Variants in GOLGA6D observed in about 807,000 individuals in gnomAD.
GOLGA6D encodes golgin A6 family member D, also known as golgin subfamily A member 6D.
GOLGA6D carries 9 observed loss-of-function variants against 42.1 expected under a neutral mutation model. The ratio of observed to expected loss-of-function variants is 0.21; its 90% CI spans 0.13 to 0.37. The LOEUF (loss-of-function observed/expected upper bound fraction) is 0.37, where lower values mean the gene tolerates loss of function less well. Among genes scored for constraint, GOLGA6D ranks in the 10% least tolerant of loss-of-function variants. GOLGA6D has a pLI of 1.00. For missense variants in GOLGA6D, 87 were observed against 420.8 expected (o/e 0.21, Z 6.94); for synonymous variants, 39 against 167.3 (o/e 0.23, Z 5.92).
rs567371716 is a variant in GOLGA6D, at chr15:75,294,506, G to A, written c.*31G>A. On this transcript the variant is annotated 3_prime_UTR_variant, in exon 18 of 18. Transcript: ENST00000434739. ...CCCAGGCTTGCCCAGCAAACCCTGC[G>A]TGCCATTCTTCTACCAGGCAGCCGA... is the stretch of plus-strand genomic sequence containing the variant. 430 of 1,529,404 alleles carry A rather than the reference G, an allele frequency of 2.8e-4. 22 individuals are homozygous for A. In the African/African-American group the frequency reaches 4.4e-3, roughly 16 times the overall value. 94.7% of individuals were successfully genotyped at this position (1,529,404 alleles called of 1,614,324 possible).
chr15:75,289,284 T>C lies in GOLGA6D; in HGVS notation c.565-113T>C. ...TCTTTTAATAACCAGGCCACGGGCT[T>C]GGAAATGCCTTGACCTTTACTGACC... On this transcript the variant is annotated intron_variant, in intron 7 of 17. Transcript: ENST00000434739. 4.1e-6 allele frequency: 3 copies of C among 732,758 alleles called. 1 individual carries two copies. The South Asian group carries it at 4.6e-5, about 11-fold the overall frequency. The allele number at this position is 732,758 out of a possible 1,614,324, so 45.4% of individuals were successfully genotyped here. A position where few individuals can be genotyped will look rare whatever the true frequency, so the allele number is the denominator to read the frequency against.
chr15:75,282,771 G>C (rs1595819087), upstream of GOLGA6D: 2 of 225,514 alleles, frequency 8.9e-6, 1 homozygote, highest in African/African-American at 1.5e-4. Context: ...AATGGGATTG[G>C]AGCAGTAAGG....
At position 75,288,366 on chromosome 15, in the gene GOLGA6D, T is replaced by C; in HGVS notation, c.564+2T>C. 2 of 1,508,578 alleles carry C rather than the reference T, an allele frequency of 1.3e-6. No homozygotes were observed. Among genetic ancestry groups the C allele is most frequent in the Admixed American group, 1.8e-5 (1 of 55,530 alleles). The allele number at this position is 1,508,578 out of a possible 1,614,324, so 93.4% of individuals were successfully genotyped here. ...ACACAGCAGCAGGAAGAGGACAGGG[T>C]GAGTCCAACCAGCTGCCCCATCCCC... On this transcript the variant is annotated splice_donor_variant, in intron 7 of 17. Transcript: ENST00000434739. LOFTEE classifies it high-confidence loss of function.
In GOLGA6D at chr15:75,289,332, C is replaced by T. The variant is rs536039367; in HGVS notation, c.565-65C>T. The T allele has an allele frequency of 4.0e-5, 58 of 1,463,852 alleles. 7 individuals carry two copies. In the South Asian group the frequency reaches 6.7e-4, roughly 17 times the overall value. The allele number at this position is 1,463,852 out of a possible 1,614,324, so 90.7% of individuals were successfully genotyped here. ...ACCGAGTTGTATATTGAGCCTAGCCCTAGCCCTTTTAAGGGGCACTGCCCG... is the reference window on the plus strand; with the variant it reads ...ACCGAGTTGTATATTGAGCCTAGCCTTAGCCCTTTTAAGGGGCACTGCCCG... On this transcript the variant is annotated intron_variant, in intron 7 of 17. Transcript: ENST00000434739.
chr15:75,277,821 T>A, the GOLGA6D span, among the ~76,000 whole-genome samples: 75 of 1,526 alleles, frequency 0.049, no homozygotes, highest in African/African-American at 0.092. Flanking sequence ...AAAATGTCAC[T>A]GTTTTGGGGT....
At chr15:75,277,745 G>A in the GOLGA6D span, among the ~76,000 whole-genome samples, 3 of 147,748 alleles carry the variant, frequency 2.0e-5, no homozygotes, top group Admixed American at 6.8e-5. Flanking sequence ...CGAGGCTGCA[G>A]TGAGCTGAGA....
chr15:75,293,488 G>T (rs1257245016), intron 14 of GOLGA6D, among the ~76,000 whole-genome samples: 6 of 144,986 alleles, frequency 4.1e-5, no homozygotes, highest in African/African-American at 1.3e-4. Flanking sequence ...GCAGCGGAAG[G>T]TGTGAAGGCT....
chr15:75,276,178 A>G, the GOLGA6D span, among the ~76,000 whole-genome samples: 22 of 151,784 alleles, frequency 1.4e-4, no homozygotes, highest in South Asian at 4.2e-3. Flanking sequence ...GGGAAGACCC[A>G]CTTAGGGAAG....
At position 75,294,376 on chromosome 15, in the gene GOLGA6D, C is replaced by G; in HGVS notation, c.1983C>G (p.Asn661Lys). Residue 661 changes from asparagine (N) to lysine (K), a missense_variant, in exon 18 of 18, where the codon AAC (asparagine) becomes AAG (lysine). Coordinates refer to ENST00000434739, the MANE Select transcript of GOLGA6D (RefSeq NM_001145224.3). ...TTTATGAAGTGAGCCTGGACAACAA[C>G]GTGGAGCCTGCACCAGGAGTGGCCA... ...DVFYEVSLDN[N>K]VEPAPGVARE... The G allele has an allele frequency of 1.3e-6, 2 of 1,598,082 alleles. No homozygotes were observed. Among genetic ancestry groups the G allele is most frequent in the Non-Finnish European group, 8.5e-7 (1 of 1,177,756 alleles).
chr15:75,293,592 G>C, intron 14 of GOLGA6D, 137 bp from the exon 15 acceptor site: 2 of 657,680 alleles, frequency 3.0e-6, no homozygotes, highest in Non-Finnish European at 5.5e-6. Context: ...ATGAGTTTGT[G>C]TGTGGGGAGA....
upstream of GOLGA6D, among the ~76,000 whole-genome samples, chr15:75,278,774 A>T (rs1251968198): frequency 6.6e-6 from 1 of 151,870 alleles, no homozygotes; most frequent in Non-Finnish European, 1.5e-5. Context: ...GGGGAGGGAA[A>T]AAATATGCAG....
intron 14 of GOLGA6D, among the ~76,000 whole-genome samples, chr15:75,293,492 G>C (rs1428018486): frequency 7.0e-6 from 1 of 143,738 alleles, no homozygotes; most frequent in South Asian, 2.2e-4. Flanking sequence ...CGGAAGGTGT[G>C]AAGGCTGTGC....
the GOLGA6D span, among the ~76,000 whole-genome samples, chr15:75,277,713 T>A: frequency 7.2e-6 from 1 of 138,932 alleles, no homozygotes; most frequent in Admixed American, 7.3e-5. Flanking sequence ...TCCCAGCTAC[T>A]CGGGAGGCTG....
In GOLGA6D at chr15:75,294,360, TGAGCCTGGACAACAACGTG is replaced by T. The variant is rs750016953; in HGVS notation, c.1975_1993del (p.Asp659HisfsTer53). 2.3e-5 allele frequency: 36 copies of T among 1,596,848 alleles called. 3 individuals are homozygous for T. The highest frequency in any genetic ancestry group is 3.1e-5 in the African/African-American group (2 of 65,174). ...CCTCTCTCCGAAGTTTTTTATGAAG[TGAGCCTGGACAACAACGTG>T]GAGCCTGCACCAGGAGTGGCCAGGG... On this transcript the variant is annotated frameshift_variant, in exon 18 of 18. Coordinates refer to ENST00000434739, the MANE Select transcript of GOLGA6D (RefSeq NM_001145224.3). LOFTEE classifies it low-confidence loss of function (END_TRUNC).
chr15:75,276,165 A>G, the GOLGA6D span, among the ~76,000 whole-genome samples: 1 of 150,884 alleles, frequency 6.6e-6, no homozygotes, highest in African/African-American at 2.4e-5. Context: ...CCTCACCCCC[A>G]TGGGGAAGAC....
intron 14 of GOLGA6D, among the ~76,000 whole-genome samples, 156 bp from the exon 15 acceptor site, chr15:75,293,573 G>A (rs2070885106): frequency 6.9e-6 from 1 of 144,150 alleles, no homozygotes; most frequent in Non-Finnish European, 1.5e-5. Flanking sequence ...GCCCCAGGGA[G>A]GACTGGAGAT....
chr15:75,293,411 G>A lies in GOLGA6D; in HGVS notation c.1593+247G>A, dbSNP rs552880211. Reference sequence around the variant, plus strand: ...GCCCCTACAAGAATACTCACCTCTTGCCTTCAAGTGGCATTTTTCAACTCC... The same window carrying A: ...GCCCCTACAAGAATACTCACCTCTTACCTTCAAGTGGCATTTTTCAACTCC... On this transcript the variant is annotated intron_variant, in intron 14 of 17. Transcript: ENST00000434739. Among the ~76,000 whole-genome samples the A allele has an allele frequency of 7.0e-4, 103 of 146,750 alleles. 3 individuals are homozygous for A. The East Asian group carries it at 0.013, about 19-fold the overall frequency.
chr15:75,294,442 C>T lies in GOLGA6D; in HGVS notation c.2049C>T (p.Ile683=), dbSNP rs377617296. The part of the protein sequence containing the change: ...SPHNNPTVQQ[I]VQLSPVMQDT ...ATAACAACCCCACTGTACAGCAGAT[C>T]GTGCAGCTGTCTCCTGTCATGCAGG... Residue 683 remains isoleucine, a synonymous_variant, in exon 18 of 18, where the codon ATC becomes ATT. Transcript: ENST00000434739. 1.1e-4 allele frequency: 172 copies of T among 1,597,268 alleles called. 6 individuals are homozygous for T. The highest frequency in any genetic ancestry group is 6.7e-4 in the East Asian group (30 of 44,718).
rs2070865723 is a variant in GOLGA6D, at chr15:75,288,744, TG to T, written c.564+381del. On this transcript the variant is annotated intron_variant, in intron 7 of 17. Transcript: ENST00000434739. ...GGGTGTGTGTGTGTGTGTGTGTGTG[TG>T]TGTGTGTACTATGATAATATACAAA... Among the ~76,000 whole-genome samples, 9 of 138,500 alleles carry T rather than the reference TG, an allele frequency of 6.5e-5. 1 individual carries two copies. Among genetic ancestry groups the T allele is most frequent in the Admixed American group, 1.5e-4 (2 of 13,696 alleles). 90.9% of individuals were successfully genotyped at this position (138,500 alleles called of 152,430 possible). A position where few individuals can be genotyped will look rare whatever the true frequency, so the allele number is the denominator to read the frequency against.
Sources: gnomAD v4.1 joint callset for allele counts (sites outside exome capture counted in the v4.1 genomes callset) on GRCh38, gnomAD v4.1.1 for gene constraint, MANE v1.5 for transcripts, NCBI Gene and HGNC (gene_info 2026-07-23, HGNC 2026-07-21) for gene names.